MAP3K6: variants seen among roughly 807,000 people sequenced by gnomAD.
The protein encoded by MAP3K6 is apoptosis signal-regulating kinase 2.
A neutral mutation model predicts 147.1 loss-of-function variants in MAP3K6; 105 were observed. The observed-to-expected ratio is 0.71, with a 90% confidence interval of 0.61 to 0.84. The LOEUF (loss-of-function observed/expected upper bound fraction) is 0.84, where lower values mean the gene tolerates loss of function less well. MAP3K6 is among the 40% of genes least tolerant of loss of function. The pLI, the probability that MAP3K6 is intolerant of heterozygous loss-of-function variation, is 0.00. For missense variants in MAP3K6, 1,569 were observed against 1,715.0 expected, an observed-to-expected ratio of 0.91 and a Z score of 1.50; for synonymous variants, 695 against 732.4, an observed-to-expected ratio of 0.95 and a Z score of 0.82.
intron 12 of MAP3K6, 36 bp downstream of exon 12, chr1:27,361,310 C>T (rs748041836): frequency 2.9e-5 from 47 of 1,613,738 alleles, no homozygotes; most frequent in Non-Finnish European, 3.6e-5. Context: ...ACCCTCACCT[C>T]CCGTCTTTCC....
rs748222278 is a variant in MAP3K6 at position 27,363,923 on chromosome 1, A to G, written c.858T>C (p.Asp286=). The G allele has an allele frequency of 1.9e-6, 3 of 1,591,674 alleles. No individual in the cohort carries two copies. Among genetic ancestry groups the G allele is most frequent in the African/African-American group, 2.7e-5 (2 of 74,700 alleles). Residue 286 remains aspartate (D), a synonymous_variant, in exon 5 of 29, where the codon GAT becomes GAC. Coordinates refer to ENST00000357582, the MANE Select transcript of MAP3K6 (RefSeq NM_004672.5). ...CTCTCTGAACACCACGCACCTGCACATCGCGGTAGGAGAGCAGCAAGTTCA... is the reference window on the plus strand; with the variant it reads ...CTCTCTGAACACCACGCACCTGCACGTCGCGGTAGGAGAGCAGCAAGTTCA... ...IIMNLLLSYR[D]VQDYSAIIEL...
chr1:27,358,467 TC>T lies in MAP3K6; in HGVS notation c.2727del (p.Arg911GlyfsTer81). On this transcript the variant is annotated frameshift_variant, in exon 20 of 29. Coordinates refer to ENST00000357582, the MANE Select transcript of MAP3K6 (RefSeq NM_004672.5). LOFTEE classifies it high-confidence loss of function. The surrounding 1 kb of genome is among the most constrained non-coding windows in gnomAD (Gnocchi z 6.2). ...TLLGDPFLQP[G>X]KRSRSPSSPR... Reference sequence around the variant, plus strand: ...GGGGAGCTGGGGCTGCGGCTCCTTTTCCCAGGCTGCAGGAAGGGGTCCCCCA... The same window carrying T: ...GGGGAGCTGGGGCTGCGGCTCCTTTTCCAGGCTGCAGGAAGGGGTCCCCCA... The T allele has an allele frequency of 6.3e-7, 1 of 1,594,094 alleles. No homozygotes were observed. The highest frequency in any genetic ancestry group is 1.4e-5 in the African/African-American group (1 of 73,414).
In MAP3K6 at chr1:27,361,840, G is replaced by A. The variant is rs777503246; in HGVS notation, c.1443C>T (p.Phe481=). 1.9e-6 allele frequency: 3 copies of A among 1,579,470 alleles called. No individual in the cohort carries two copies. The highest frequency in any genetic ancestry group is 1.3e-5 in the African/African-American group (1 of 74,188). Residue 481 remains phenylalanine (F), a synonymous_variant, in exon 10 of 29, where the codon TTC becomes TTT. Transcript: ENST00000357582. The stretch of plus-strand genomic sequence containing the variant: ...TGGGCCTGAAGTGCTGGTAGAGCAG[G>A]AAGGTCTCCATCACGGACACCAGGT... The part of the protein sequence containing the change: ...IWYLVSVMET[F]LLYQHFRPTP...
At chr1:27,356,564 C>A (rs375460316) in intron 25 of MAP3K6, 26 bp downstream of exon 25, 21 of 1,611,596 alleles carry the variant, frequency 1.3e-5, no homozygotes, top group Non-Finnish European at 1.7e-5. Flanking sequence ...CCGGCAGAGG[C>A]TATGAGCGAT....
rs1047591825 is a variant in MAP3K6, at chr1:27,364,475, G to A, written c.505-81C>T. 22 of 1,565,368 alleles carry A rather than the reference G, an allele frequency of 1.4e-5. No homozygotes were observed. The highest frequency in any genetic ancestry group is 5.3e-6 in the Non-Finnish European group (6 of 1,138,688). The stretch of plus-strand genomic sequence containing the variant: ...AGGGGAGTGAGAGCATCAAAGGTCA[G>A]CATCAGTGGGAATTGGAATCGCAGG... On this transcript the variant is annotated intron_variant, in intron 3 of 28. Transcript: ENST00000357582. This position sits in a 1 kb window ranked among gnomAD's most constrained non-coding sequence, Gnocchi z 4.4.
At position 27,358,805 on chromosome 1, in the gene MAP3K6, T is replaced by C; in HGVS notation, c.2487A>G (p.Ala829=). Residue 829 remains alanine (A), a synonymous_variant, in exon 19 of 29, where the codon GCA becomes GCG. Transcript: ENST00000357582. The surrounding 1 kb of genome is among the most constrained non-coding windows in gnomAD (Gnocchi z 6.2). ...IDQGPRGYGK[A]ADIWSLGCTV... Reference sequence around the variant, plus strand: ...TGCAGCCCAGTGACCAGATGTCAGCTGCTTTCCCATACCCGCGTGGGCCCT... The same window carrying C: ...TGCAGCCCAGTGACCAGATGTCAGCCGCTTTCCCATACCCGCGTGGGCCCT... 6.2e-7 allele frequency: 1 copy of C among 1,612,702 alleles called. No individual in the cohort carries two copies. Among genetic ancestry groups the C allele is most frequent in the Non-Finnish European group, 8.5e-7 (1 of 1,179,238 alleles).
Position 27,357,713 on chromosome 1 carries a change from G to A in MAP3K6, c.3079C>T (p.Gln1027Ter). ...GGGCGCTAGAGTGGGCCGCCCACCT[G>A]CTCTTGCTTCTGCTCCTGGTGCAGA... Reference protein sequence around the residue: ...ENLHQEQKQEQGARLGRNHVE... With the variant: ...ENLHQEQKQE The change falls in exon 22 of 29, where the codon CAG becomes TAG. Residue 1027 changes from glutamine to a stop codon, truncating the protein, a stop_gained and splice_region_variant. Coordinates refer to ENST00000357582, the MANE Select transcript of MAP3K6 (RefSeq NM_004672.5). LOFTEE classifies it high-confidence loss of function. 1.2e-6 allele frequency: 2 copies of A among 1,610,642 alleles called. No individual in the cohort carries two copies. The highest frequency in any genetic ancestry group is 1.7e-6 in the Non-Finnish European group (2 of 1,179,762).
In MAP3K6 at chr1:27,358,588, C is replaced by A; in HGVS notation, c.2607G>T (p.Pro869=). 6.2e-7 allele frequency: 1 copy of A among 1,613,400 alleles called. No homozygotes were observed. The highest frequency in any genetic ancestry group is 8.5e-7 in the Non-Finnish European group (1 of 1,179,770). The change falls in exon 20 of 29, where the codon CCG becomes CCT. Residue 869 remains proline (P), a synonymous_variant. Coordinates refer to ENST00000357582, the MANE Select transcript of MAP3K6 (RefSeq NM_004672.5). This position sits in a 1 kb window ranked among gnomAD's most constrained non-coding sequence, Gnocchi z 6.2. ...MFQVGMYKVH[P]PMPSSLSAEA... ...CGGCCGACAGAGAGCTGGGCATTGG[C>A]GGATGGACCTTGTACATACCCACCT...
intron 1 of MAP3K6, among the ~76,000 whole-genome samples, chr1:27,365,573 G>A (rs1267184719): frequency 6.6e-6 from 1 of 152,122 alleles, no homozygotes; most frequent in Non-Finnish European, 1.5e-5. Context: ...GCTGGCTGGA[G>A]GGAGGAGTGA....
rs2015511852 is a variant in MAP3K6 at position 27,356,109 on chromosome 1, A to G, written c.3638-10T>C. 7 of 1,613,530 alleles carry G rather than the reference A, an allele frequency of 4.3e-6. No individual in the cohort carries two copies. The highest frequency in any genetic ancestry group is 5.9e-6 in the Non-Finnish European group (7 of 1,179,496). ...TCCGTTGAAAGAGCAGCTGTCAAGA[A>G]GCAGTCAGGTGATGAGCCCAAGAGT... On this transcript the variant is annotated splice_polypyrimidine_tract_variant and intron_variant, in intron 26 of 28. Coordinates refer to ENST00000357582, the MANE Select transcript of MAP3K6 (RefSeq NM_004672.5).
At position 27,356,086 on chromosome 1, in the gene MAP3K6, C is replaced by A. The variant is rs140784694; in HGVS notation, c.3651G>T (p.Thr1217=). The change falls in exon 27 of 29, where the codon ACG becomes ACT. Residue 1217 remains threonine (T), a synonymous_variant. Transcript: ENST00000357582. ...GTAGCCACTGCACCAGGCCCTGGTC[C>A]GTTGAAAGAGCAGCTGTCAAGAAGC... is the stretch of plus-strand genomic sequence containing the variant. ...LAPEPPTALS[T]DQGLVQWLQE... The A allele has an allele frequency of 1.2e-6, 2 of 1,614,006 alleles. No homozygotes were observed. Among genetic ancestry groups the A allele is most frequent in the Non-Finnish European group, 1.7e-6 (2 of 1,180,018 alleles).
intron 8 of MAP3K6, 80 bp downstream of exon 8, chr1:27,362,561 G>C: frequency 9.1e-7 from 1 of 1,103,972 alleles, no homozygotes; most frequent in Non-Finnish European, 1.3e-6. Context: ...CTCTTGCCCA[G>C]TGTGCTCTCT....
Position 27,364,718 on chromosome 1 carries a change from T to G in MAP3K6, c.481-34A>C, listed in dbSNP as rs749557285. ...GGCAGACAGTCAGATACTGGTGTTC[T>G]GTGTAGGCCTTACCCCAGCCCTGTG... is the stretch of plus-strand genomic sequence containing the variant. On this transcript the variant is annotated intron_variant, in intron 2 of 28. Coordinates refer to ENST00000357582, the MANE Select transcript of MAP3K6 (RefSeq NM_004672.5). The surrounding 1 kb of genome is among the most constrained non-coding windows in gnomAD (Gnocchi z 4.4). 1 of 1,614,136 alleles carries G rather than the reference T, an allele frequency of 6.2e-7. No homozygotes were observed. Among genetic ancestry groups the G allele is most frequent in the South Asian group, 1.1e-5 (1 of 91,080 alleles).
rs1158624407 is a variant in MAP3K6, at chr1:27,356,994, G to A, written c.3364+15C>T. On this transcript the variant is annotated intron_variant, in intron 24 of 28. Transcript: ENST00000357582. ...CACCCTCGCTGGCAGGAGGCCCGTG[G>A]CATTCCCCTCCTACCCGGTCCTAGC... 2 of 1,608,798 alleles carry A rather than the reference G, an allele frequency of 1.2e-6. No individual in the cohort carries two copies. Among genetic ancestry groups the A allele is most frequent in the Middle Eastern group, 1.7e-4 (1 of 6,056 alleles).
chr1:27,360,621 G>T lies in MAP3K6; in HGVS notation c.2054+84C>A. On this transcript the variant is annotated intron_variant, in intron 15 of 28. Coordinates refer to ENST00000357582, the MANE Select transcript of MAP3K6 (RefSeq NM_004672.5). The surrounding 1 kb of genome is among the most constrained non-coding windows in gnomAD (Gnocchi z 4.5). ...CCTACGAGCCCGCCCACTAGGCCCCGCCCACAGGAGCCGCTCCGCTCGTGG... is the reference window on the plus strand; with the variant it reads ...CCTACGAGCCCGCCCACTAGGCCCCTCCCACAGGAGCCGCTCCGCTCGTGG... 1.3e-6 allele frequency: 2 copies of T among 1,505,776 alleles called. No homozygotes were observed. The highest frequency in any genetic ancestry group is 1.3e-5 in the South Asian group (1 of 78,206). The allele number at this position is 1,505,776 out of a possible 1,614,324, so 93.3% of individuals were successfully genotyped here.
At chr1:27,365,623 C>T (rs975835442) in intron 1 of MAP3K6, among the ~76,000 whole-genome samples, 3 of 150,022 alleles carry the variant, frequency 2.0e-5, no homozygotes, top group Admixed American at 1.3e-4. Flanking sequence ...CGCCCCTGAG[C>T]CATCCTTTCC....
Position 27,355,443 on chromosome 1 carries a change from C to G in MAP3K6, c.3815G>C (p.Arg1272Thr). 1 of 1,614,102 alleles carries G rather than the reference C, an allele frequency of 6.2e-7. No individual in the cohort carries two copies. The highest frequency in any genetic ancestry group is 8.5e-7 in the Non-Finnish European group (1 of 1,180,010). The change falls in exon 29 of 29, where the codon AGG becomes ACG. Residue 1272 changes from arginine (R) to threonine (T), a missense_variant. Physicochemically the swap from Arg to Thr is moderately conservative, Grantham distance 71 (BLOSUM62 -1). Coordinates refer to ENST00000357582, the MANE Select transcript of MAP3K6 (RefSeq NM_004672.5). Reference sequence around the variant, plus strand: ...TCCTGCTCGCTGTGCCAAGATGGCCCTCCAGATGCGGCATACCATCCCTCC... The same window carrying G: ...TCCTGCTCGCTGTGCCAAGATGGCCGTCCAGATGCGGCATACCATCCCTCC... ...IRGGMVCRIW[R>T]AILAQRAGST...
Position 27,356,716 on chromosome 1 carries a change from T to C in MAP3K6, c.3398A>G (p.Glu1133Gly). The C allele has an allele frequency of 6.3e-7, 1 of 1,591,986 alleles. No individual in the cohort carries two copies. The highest frequency in any genetic ancestry group is 8.6e-7 in the Non-Finnish European group (1 of 1,168,468). ...VEKEAVSPRS[E>G]ELSNEGDSQQ... ...GGAGTCCCCTTCATTACTCAGCTCC[T>C]CTGACCTCGGTGAGACCGCCTCCTT... is the stretch of plus-strand genomic sequence containing the variant. The change falls in exon 25 of 29, where the codon GAG becomes GGG. Residue 1133 changes from glutamate (E) to glycine (G), a missense_variant. Transcript: ENST00000357582.
Position 27,361,387 on chromosome 1 carries a change from G to A in MAP3K6, c.1695C>T (p.Pro565=). Residue 565 remains proline, a synonymous_variant, in exon 12 of 29, where the codon CCC becomes CCT. Coordinates refer to ENST00000357582, the MANE Select transcript of MAP3K6 (RefSeq NM_004672.5). ...SLLEPETQDI[P]SSWTFPVASI... ...AGGCGACTGGGAAGGTCCAGCTGGA[G>A]GGAATGTCCTGCAAGAAGAAATGGG... The A allele has an allele frequency of 6.2e-7, 1 of 1,613,838 alleles. No homozygotes were observed. Among genetic ancestry groups the A allele is most frequent in the Admixed American group, 1.7e-5 (1 of 60,002 alleles).
Sources: gnomAD v4.1 joint callset for allele counts (sites outside exome capture counted in the v4.1 genomes callset) on GRCh38, gnomAD v4.1.1 for gene constraint, Gnocchi (gnomAD v3.1) non-coding constraint, MANE v1.5 for transcripts, NCBI Gene and HGNC (gene_info 2026-07-23, HGNC 2026-07-21) for gene names.